Variants in WDFY3 observed in about 807,000 individuals in gnomAD.
WDFY3 encodes the protein WD repeat and FYVE domain containing 3.
In WDFY3, 66 loss-of-function variants were observed where a neutral mutation model predicts 409.6. That is an observed-to-expected ratio of 0.16 (90% confidence interval 0.13 to 0.20). The LOEUF is 0.20. Among genes scored for constraint, WDFY3 ranks in the 10% least tolerant of loss-of-function variants. WDFY3 has a pLI of 1.00. For synonymous variants in WDFY3, 1,521 were observed against 1,537.1 expected (o/e 0.99, Z 0.25); for missense variants, 3,031 against 4,298.1 (o/e 0.71, Z 8.24).
In WDFY3 at chr4:84,690,491, T is replaced by C; in HGVS notation, c.9363+15A>G. On this transcript the variant is annotated intron_variant, in intron 61 of 67. Transcript: ENST00000295888. ...GGACTATGTCCTTCTTGGCATTTTCTATGTTCTCTCTTACCTGTTTGAGGG... is the reference window on the plus strand; with the variant it reads ...GGACTATGTCCTTCTTGGCATTTTCCATGTTCTCTCTTACCTGTTTGAGGG... 2 of 1,614,134 alleles carry C rather than the reference T, an allele frequency of 1.2e-6. No individual in the cohort carries two copies. Among genetic ancestry groups the C allele is most frequent in the Non-Finnish European group, 8.5e-7 (1 of 1,179,998 alleles).
chr4:84,759,277 G>C (rs1005112023), intron 32 of WDFY3, among the ~76,000 whole-genome samples: 1 of 152,156 alleles, frequency 6.6e-6, no homozygotes, highest in African/African-American at 2.4e-5. Context: ...GGATTGACTT[G>C]GGGATGCGGG....
chr4:84,723,978 G>A (rs2149100854), intron 46 of WDFY3, among the ~76,000 whole-genome samples: 1 of 152,282 alleles, frequency 6.6e-6, no homozygotes, highest in South Asian at 2.1e-4. Flanking sequence ...CAACTCATAG[G>A]AAGAAAGACC....
intron 30 of WDFY3, among the ~76,000 whole-genome samples, chr4:84,768,088 CAAAT>C (rs1744003226): frequency 6.6e-6 from 1 of 151,954 alleles, no homozygotes; most frequent in African/African-American, 2.4e-5. Flanking sequence ...GTCTCAAAAA[CAAAT>C]AGACAAAAAG....
At chr4:84,931,813 C>T (rs549702659) in intron 2 of WDFY3, among the ~76,000 whole-genome samples, 6 of 152,076 alleles carry the variant, frequency 3.9e-5, no homozygotes, top group African/African-American at 1.4e-4. Context: ...AGCATTAAAA[C>T]TAAGGGTAGC....
At chr4:84,771,670 T>A (rs984279379) in intron 30 of WDFY3, among the ~76,000 whole-genome samples, 6 of 152,184 alleles carry the variant, frequency 3.9e-5, no homozygotes, top group African/African-American at 1.4e-4. Context: ...TGTATCTTTT[T>A]GGGCTGCAGT....
At chr4:84,698,638 G>T (rs1190661242) in intron 56 of WDFY3, among the ~76,000 whole-genome samples, 1 of 151,662 alleles carries the variant, frequency 6.6e-6, no homozygotes, top group Non-Finnish European at 1.5e-5. Context: ...AAGACCCCAG[G>T]GTGAATATTA....
At position 84,837,049 on chromosome 4, in the gene WDFY3, G is replaced by T. The variant is rs372602734; in HGVS notation, c.456C>A (p.Thr152=). The change falls in exon 7 of 68, where the codon ACC becomes ACA. Residue 152 remains threonine (T), a synonymous_variant. Coordinates refer to ENST00000295888, the MANE Select transcript of WDFY3 (RefSeq NM_014991.6). ...AAAACAGATATAAACATTTAACCAG[G>T]GTGGAAGGCACTGACATTGTTGTCA... ...DCMTTMSVPS[T]LVKCLYLFFD... The T allele has an allele frequency of 2.2e-4, 356 of 1,585,572 alleles. No individual in the cohort carries two copies. Among genetic ancestry groups the T allele is most frequent in the Non-Finnish European group, 2.9e-4 (335 of 1,166,010 alleles).
chr4:84,964,452 G>C (rs1775354933), intron 1 of WDFY3, among the ~76,000 whole-genome samples: 1 of 152,178 alleles, frequency 6.6e-6, no homozygotes, highest in Non-Finnish European at 1.5e-5. Flanking sequence ...CTGGGCAACA[G>C]GGCAAGACCC....
intron 56 of WDFY3, among the ~76,000 whole-genome samples, chr4:84,701,980 G>A (rs939523938): frequency 6.6e-6 from 1 of 152,046 alleles, no homozygotes; most frequent in Admixed American, 6.5e-5. Flanking sequence ...TCAAAACAAC[G>A]AAATTCTAAA....
intron 1 of WDFY3, among the ~76,000 whole-genome samples, chr4:84,945,464 C>T (rs1772700144): frequency 6.6e-6 from 1 of 152,240 alleles, no homozygotes; most frequent in Non-Finnish European, 1.5e-5. Flanking sequence ...ATCACACTCA[C>T]AGGGCCTCTG....
At chr4:84,813,666 C>T (rs1450112122) in intron 13 of WDFY3, among the ~76,000 whole-genome samples, 1 of 152,054 alleles carries the variant, frequency 6.6e-6, no homozygotes, top group Non-Finnish European at 1.5e-5. Context: ...TAACATTAAC[C>T]AGAACACTGC....
intron 25 of WDFY3, 28 bp from the exon 26 acceptor site, chr4:84,780,326 A>G: frequency 6.3e-7 from 1 of 1,583,448 alleles, no homozygotes; most frequent in Non-Finnish European, 8.6e-7. Flanking sequence ...AAAAATAATT[A>G]AGATAAATTC....
chr4:84,919,596 T>C (rs1243156947), intron 2 of WDFY3, among the ~76,000 whole-genome samples: 1 of 152,100 alleles, frequency 6.6e-6, no homozygotes, highest in African/African-American at 2.4e-5. Context: ...ATAGGGGTGG[T>C]TACCTCCATG....
At chr4:84,850,199 C>T (rs1331822331) in intron 4 of WDFY3, among the ~76,000 whole-genome samples, 174 bp from the exon 5 acceptor site, 1 of 152,110 alleles carries the variant, frequency 6.6e-6, no homozygotes, top group Non-Finnish European at 1.5e-5. Flanking sequence ...ACATGTCTAG[C>T]CACATTTCCT....
At chr4:84,681,763 CA>C (rs1244480232) in intron 64 of WDFY3, among the ~76,000 whole-genome samples, 1 of 152,168 alleles carries the variant, frequency 6.6e-6, no homozygotes, top group East Asian at 1.9e-4. Flanking sequence ...GACTGCAATG[CA>C]AAGCAGATCT....
chr4:84,749,795 T>C (rs1190598830), intron 36 of WDFY3, among the ~76,000 whole-genome samples: 1 of 152,204 alleles, frequency 6.6e-6, no homozygotes, highest in Non-Finnish European at 1.5e-5. Flanking sequence ...CCCCCTGCTT[T>C]TCCCTGAACT....
rs754631978 is a variant in WDFY3 at position 84,733,344 on chromosome 4, G to A, written c.7221+38C>T. The stretch of plus-strand genomic sequence containing the variant: ...CGCTTACAGAGGAAAATAAAAACTT[G>A]AAAGAGCCATTGTGATCATTGAATT... On this transcript the variant is annotated intron_variant, in intron 44 of 67. Transcript: ENST00000295888. The A allele has an allele frequency of 2.5e-6, 4 of 1,580,216 alleles. No individual in the cohort carries two copies. In the South Asian group the frequency reaches 3.4e-5, roughly 14 times the overall value.
chr4:84,793,937 G>C (rs1352532796), intron 21 of WDFY3, among the ~76,000 whole-genome samples: 1 of 152,046 alleles, frequency 6.6e-6, no homozygotes, highest in Non-Finnish European at 1.5e-5. Flanking sequence ...TTATATTCTT[G>C]AGCAAAGAAA....
intron 40 of WDFY3, among the ~76,000 whole-genome samples, chr4:84,738,725 C>T (rs75514318): frequency 0.021 from 3,184 of 152,070 alleles, 112 homozygotes; most frequent in African/African-American, 0.073. Context: ...GGGCAGTTCT[C>T]TTTATAGTTA....
Sources: allele counts gnomAD v4.1 joint callset (sites outside exome capture counted in the v4.1 genomes callset), GRCh38; gene constraint gnomAD v4.1.1; transcripts MANE v1.5; gene names NCBI Gene and HGNC (gene_info 2026-07-23, HGNC 2026-07-21).